AZIN1: variants seen among roughly 807,000 people sequenced by gnomAD.
AZIN1 encodes antizyme inhibitor 1.
In AZIN1, 12 loss-of-function variants were observed where a neutral mutation model predicts 47.4. The observed-to-expected ratio is 0.25, with a 90% CI of 0.16 to 0.41. AZIN1 has a LOEUF of 0.41. Among genes scored for constraint, AZIN1 ranks in the 10% least tolerant of loss-of-function variants. AZIN1 has a pLI of 1.00. For synonymous variants in AZIN1, 155 were observed against 176.3 expected (o/e 0.88, Z 0.96); for missense variants, 410 against 532.4 (o/e 0.77, Z 2.26).
At chr8:102,863,636 C>T (rs1586222399) in intron 1 of AZIN1, among the ~76,000 whole-genome samples, 171 bp downstream of exon 1, 1 of 148,814 alleles carries the variant, frequency 6.7e-6, no homozygotes, top group Non-Finnish European at 1.5e-5. Flanking sequence ...CCCGCCGCCG[C>T]CGCCGCCGCC....
intron 2 of AZIN1, among the ~76,000 whole-genome samples, chr8:102,846,052 T>C (rs1812549727): frequency 6.6e-6 from 1 of 152,250 alleles, no homozygotes; most frequent in South Asian, 2.1e-4. Flanking sequence ...TCTCTGGGCA[T>C]AGTCTAATAT....
intron 1 of AZIN1, among the ~76,000 whole-genome samples, chr8:102,860,508 C>G (rs1813574016): frequency 6.6e-6 from 1 of 152,082 alleles, no homozygotes; most frequent in Admixed American, 6.6e-5. Context: ...TGCGATCCAC[C>G]CACCTCGACC....
rs372262719 is a variant in AZIN1, at chr8:102,834,197, A to G, written c.733T>C (p.Leu245=). ...GGGFTGTEFQ[L]EEVNHVISPL... ...TCTACTGAGAAGTTTACCTCTTCCA[A>G]TTGAAATTCAGTTCCCGTGAATCCT... Residue 245 remains leucine (L), a synonymous_variant, in exon 8 of 12, where the codon TTG becomes CTG. Transcript: ENST00000337198. 6 of 1,612,592 alleles carry G rather than the reference A, an allele frequency of 3.7e-6. No individual in the cohort carries two copies. Among genetic ancestry groups the G allele is most frequent in the Admixed American group, 1.7e-5 (1 of 59,990 alleles).
rs76278463 is a variant in AZIN1, at chr8:102,829,013, A to G, written c.1235+259T>C. On this transcript the variant is annotated intron_variant, in intron 11 of 11. Transcript: ENST00000337198. ...TGCATTACAACTGCCAACAGTATTA[A>G]ACAGAGTAACATGCTGTACAGGTTT... Among the ~76,000 whole-genome samples, 480 of 152,368 alleles carry G rather than the reference A, an allele frequency of 3.2e-3. 1 individual carries two copies. The highest frequency in any genetic ancestry group is 4.7e-3 in the Non-Finnish European group (323 of 68,026).
At chr8:102,851,434 A>G (rs983638559) in intron 2 of AZIN1, among the ~76,000 whole-genome samples, 1 of 152,232 alleles carries the variant, frequency 6.6e-6, no homozygotes, top group Non-Finnish European at 1.5e-5. Context: ...CTGGCCGGAC[A>G]TGGTGGCTCA....
chr8:102,851,610 GC>G (rs1812923780), intron 2 of AZIN1, among the ~76,000 whole-genome samples: 1 of 152,146 alleles, frequency 6.6e-6, no homozygotes, highest in Non-Finnish European at 1.5e-5. Flanking sequence ...GGAGGCTGAG[GC>G]AGGAGAATCG....
chr8:102,843,500 G>T, intron 3 of AZIN1, 51 bp downstream of exon 3: 1 of 1,496,430 alleles, frequency 6.7e-7, no homozygotes, highest in South Asian at 1.1e-5. Context: ...AAAAGCACTC[G>T]TTTCAGAGCT....
intron 2 of AZIN1, among the ~76,000 whole-genome samples, chr8:102,854,017 C>T (rs900764195): frequency 1.3e-5 from 2 of 152,186 alleles, no homozygotes; most frequent in East Asian, 3.9e-4. Context: ...TCTTGGCTCA[C>T]TGCAACCTCC....
chr8:102,834,146 AG>A, intron 8 of AZIN1, 42 bp downstream of exon 8: 1 of 1,531,990 alleles, frequency 6.5e-7, no homozygotes, highest in Non-Finnish European at 9.0e-7. Context: ...TAAGTAACAA[AG>A]AAAGCAATTA....
chr8:102,834,207 A>C lies in AZIN1; in HGVS notation c.723T>G (p.Thr241=), dbSNP rs768731284. 1 of 1,612,668 alleles carries C rather than the reference A, an allele frequency of 6.2e-7. No individual in the cohort carries two copies. Among genetic ancestry groups the C allele is most frequent in the African/African-American group, 1.3e-5 (1 of 74,912 alleles). The part of the protein sequence containing the change: ...MLDIGGGFTG[T]EFQLEEVNHV... ...AGTTTACCTCTTCCAATTGAAATTC[A>C]GTTCCCGTGAATCCTCCACCAATGT... is the stretch of plus-strand genomic sequence containing the variant. The change falls in exon 8 of 12, where the codon ACT becomes ACG. Residue 241 remains threonine, a synonymous_variant. Coordinates refer to ENST00000337198, the MANE Select transcript of AZIN1 (RefSeq NM_148174.4).
At chr8:102,854,878 G>A (rs1813186192) in intron 2 of AZIN1, among the ~76,000 whole-genome samples, 1 of 151,852 alleles carries the variant, frequency 6.6e-6, no homozygotes, top group Non-Finnish European at 1.5e-5. Flanking sequence ...CAACATTAAA[G>A]GGTATGTGAT....
chr8:102,844,674 ATC>A (rs1812449147), intron 2 of AZIN1, among the ~76,000 whole-genome samples: 1 of 152,166 alleles, frequency 6.6e-6, no homozygotes, highest in Non-Finnish European at 1.5e-5. Flanking sequence ...AATTAAAAAC[ATC>A]TGTTTCAGTG....
At chr8:102,843,327 G>C (rs1243591231) in intron 3 of AZIN1, among the ~76,000 whole-genome samples, 1 of 152,084 alleles carries the variant, frequency 6.6e-6, no homozygotes, top group Non-Finnish European at 1.5e-5. Flanking sequence ...GATGCTAAAA[G>C]GCATAGAAGG....
chr8:102,845,897 C>T (rs1268490268), intron 2 of AZIN1, among the ~76,000 whole-genome samples: 4 of 152,006 alleles, frequency 2.6e-5, no homozygotes, highest in African/African-American at 7.2e-5. Flanking sequence ...AGAGGTAAAA[C>T]GAAACCATTT....
intron 1 of AZIN1, among the ~76,000 whole-genome samples, chr8:102,859,785 G>A (rs1028247793): frequency 6.6e-6 from 1 of 152,296 alleles, no homozygotes; most frequent in Non-Finnish European, 1.5e-5. Flanking sequence ...GCAGTGAGCC[G>A]AGATTGTGCC....
At chr8:102,830,414 A>G (rs1298468534) in intron 9 of AZIN1, among the ~76,000 whole-genome samples, 3 of 151,652 alleles carry the variant, frequency 2.0e-5, no homozygotes, top group Non-Finnish European at 4.4e-5. Context: ...AAAAAAAAAA[A>G]AAAAAAGAAA....
chr8:102,828,867 T>C (rs139587904), intron 11 of AZIN1, among the ~76,000 whole-genome samples, 189 bp from the exon 12 acceptor site: 283 of 152,354 alleles, frequency 1.9e-3, no homozygotes, highest in Non-Finnish European at 2.2e-3. Flanking sequence ...GACTGTGGTA[T>C]ACCGTAAAAT....
chr8:102,862,144 T>C (rs1469950376), intron 1 of AZIN1, among the ~76,000 whole-genome samples: 1 of 152,168 alleles, frequency 6.6e-6, no homozygotes, highest in Non-Finnish European at 1.5e-5. Flanking sequence ...ACAAAAGGTT[T>C]AGGTTACACA....
intron 3 of AZIN1, among the ~76,000 whole-genome samples, chr8:102,840,977 G>T (rs1812142605): frequency 7.9e-6 from 1 of 127,348 alleles, no homozygotes. Flanking sequence ...GGTATTTACG[G>T]GAACCACAAG....
Sources: gnomAD v4.1 joint callset for allele counts (sites outside exome capture counted in the v4.1 genomes callset) on GRCh38, gnomAD v4.1.1 for gene constraint, MANE v1.5 for transcripts, NCBI Gene and HGNC (gene_info 2026-07-23, HGNC 2026-07-21) for gene names.